Variants in SAMD4A observed in about 807,000 individuals in gnomAD.
SAMD4A encodes the protein sterile alpha motif domain containing 4A.
A neutral mutation model predicts 81.3 loss-of-function variants in SAMD4A; 33 were observed. The ratio of observed to expected loss-of-function variants is 0.41; its 90% CI spans 0.31 to 0.54. The LOEUF (loss-of-function observed/expected upper bound fraction) is 0.54. Ranked by LOEUF, SAMD4A falls within the 20% of genes least tolerant of loss-of-function variation. The pLI, the probability that SAMD4A is intolerant of heterozygous loss-of-function variation, is 0.37. For synonymous variants in SAMD4A, 389 were observed against 382.1 expected (o/e 1.02, Z -0.21); for missense variants, 854 against 951.1 (o/e 0.90, Z 1.34).
At chr14:54,722,860 A>G (rs2037297096) in intron 3 of SAMD4A, among the ~76,000 whole-genome samples, 1 of 152,226 alleles carries the variant, frequency 6.6e-6, no homozygotes, top group South Asian at 2.1e-4. Flanking sequence ...ATGTAGCACC[A>G]TCATTTAAAT....
intron 4 of SAMD4A, among the ~76,000 whole-genome samples, chr14:54,748,435 C>T (rs1009543706): frequency 9.8e-5 from 15 of 152,334 alleles, no homozygotes; most frequent in African/African-American, 3.4e-4. Context: ...GCAGTTGTTC[C>T]CTGCCATCTT....
At chr14:54,761,320 G>A (rs1362384579) in intron 7 of SAMD4A, among the ~76,000 whole-genome samples, 1 of 152,156 alleles carries the variant, frequency 6.6e-6, no homozygotes, top group Non-Finnish European at 1.5e-5. Flanking sequence ...CATGCACGTG[G>A]TTACCACTGT....
chr14:54,587,503 C>T (rs2033655155), intron 2 of SAMD4A, among the ~76,000 whole-genome samples: 1 of 152,106 alleles, frequency 6.6e-6, no homozygotes, highest in South Asian at 2.1e-4. Context: ...TCGTCATGTT[C>T]CAGTTCTCAA....
chr14:54,593,621 G>A (rs911213731), intron 2 of SAMD4A, among the ~76,000 whole-genome samples: 1 of 152,122 alleles, frequency 6.6e-6, no homozygotes, highest in Non-Finnish European at 1.5e-5. Context: ...TTTTACAAAT[G>A]CTTAGTTTCG....
chr14:54,761,025 A>G (rs2038384054), intron 7 of SAMD4A, among the ~76,000 whole-genome samples: 1 of 152,158 alleles, frequency 6.6e-6, no homozygotes, highest in Non-Finnish European at 1.5e-5. Flanking sequence ...GGTTTGGAGA[A>G]TTCCCAGCAT....
intron 6 of SAMD4A, among the ~76,000 whole-genome samples, chr14:54,754,446 A>C (rs2038186802): frequency 6.6e-6 from 1 of 152,102 alleles, no homozygotes; most frequent in African/African-American, 2.4e-5. Flanking sequence ...AGAATACCCC[A>C]ATGTTTGGAC....
intron 2 of SAMD4A, among the ~76,000 whole-genome samples, chr14:54,601,553 A>G (rs2034052755): frequency 6.6e-6 from 1 of 152,224 alleles, no homozygotes; most frequent in Non-Finnish European, 1.5e-5. Flanking sequence ...GCGACATTTT[A>G]AAGCCTAAAG....
chr14:54,692,653 A>T (rs916815542), intron 2 of SAMD4A, among the ~76,000 whole-genome samples: 5 of 152,020 alleles, frequency 3.3e-5, no homozygotes, highest in Non-Finnish European at 7.4e-5. Context: ...GGTGGTCTGG[A>T]GTGTGAGGGC....
chr14:54,591,702 T>C (rs1447949104), intron 2 of SAMD4A, among the ~76,000 whole-genome samples: 2 of 152,198 alleles, frequency 1.3e-5, no homozygotes, highest in Non-Finnish European at 2.9e-5. Flanking sequence ...TTTCTACAGC[T>C]CCTGTGCCTG....
chr14:54,568,010 C>T lies in SAMD4A; in HGVS notation c.94C>T (p.Arg32Cys). The change falls in exon 2 of 13, where the codon CGC becomes TGC. Residue 32 changes from arginine to cysteine, a missense_variant. Coordinates refer to ENST00000554335, the MANE Select transcript of SAMD4A (RefSeq NM_015589.6). ...TGTTGCGCTGCTGTCGCTGCTCAAG[C>T]GCGTGAGCCAGACCCAGGCCCGCTT... is the stretch of plus-strand genomic sequence containing the variant. The part of the protein sequence containing the change: ...QTVALLSLLK[R>C]VSQTQARFLQ... 1 of 1,608,000 alleles carries T rather than the reference C, an allele frequency of 6.2e-7. No homozygotes were observed. The highest frequency in any genetic ancestry group is 8.5e-7 in the Non-Finnish European group (1 of 1,179,524).
At chr14:54,689,094 G>T (rs909572696) in intron 2 of SAMD4A, among the ~76,000 whole-genome samples, 10 of 151,980 alleles carry the variant, frequency 6.6e-5, no homozygotes, top group Admixed American at 3.9e-4. Context: ...ACCATGCCTG[G>T]CTAATTTTTG....
intron 2 of SAMD4A, among the ~76,000 whole-genome samples, chr14:54,664,532 A>G (rs1446053133): frequency 7.9e-5 from 12 of 152,034 alleles, no homozygotes; most frequent in Admixed American, 6.6e-4. Context: ...ACTGGGCAGA[A>G]CCATCTTTAC....
intron 4 of SAMD4A, among the ~76,000 whole-genome samples, chr14:54,745,151 C>G (rs559626833): frequency 6.6e-6 from 1 of 152,210 alleles, no homozygotes; most frequent in Non-Finnish European, 1.5e-5. Context: ...GCCAGGCCAG[C>G]CTTTACATTG....
chr14:54,699,690 T>C (rs2036663585), intron 2 of SAMD4A, among the ~76,000 whole-genome samples: 1 of 152,244 alleles, frequency 6.6e-6, no homozygotes, highest in Non-Finnish European at 1.5e-5. Flanking sequence ...TTATTCTGTC[T>C]CTTCTTTAAT....
intron 3 of SAMD4A, among the ~76,000 whole-genome samples, chr14:54,728,970 C>T (rs1454972128): frequency 2.0e-5 from 3 of 152,180 alleles, no homozygotes; most frequent in African/African-American, 7.2e-5. Flanking sequence ...GAAGACCTGG[C>T]CTGCGGTTCA....
chr14:54,769,705 G>T (rs1222509903), intron 8 of SAMD4A, among the ~76,000 whole-genome samples: 1 of 152,146 alleles, frequency 6.6e-6, no homozygotes, highest in African/African-American at 2.4e-5. Context: ...TTTTTGGAGT[G>T]GTTGAGAATT....
intron 10 of SAMD4A, 57 bp from the exon 11 acceptor site, chr14:54,776,357 T>C (rs2038847384): frequency 8.5e-6 from 13 of 1,530,218 alleles, no homozygotes; most frequent in Non-Finnish European, 1.1e-5. Context: ...CTGGCGGCTC[T>C]GCTCTCCACC....
rs1380604133 is a variant in SAMD4A, at chr14:54,764,436, C to G, written c.1511-19C>G. 1 of 1,552,638 alleles carries G rather than the reference C, an allele frequency of 6.4e-7. No homozygotes were observed. Reference sequence around the variant, plus strand: ...AAAGGGGTGCATTTTTCTAATTCATCTTTTCTTTTTAATTACAGTGTGCAC... The same window carrying G: ...AAAGGGGTGCATTTTTCTAATTCATGTTTTCTTTTTAATTACAGTGTGCAC... On this transcript the variant is annotated intron_variant, in intron 7 of 12. Transcript: ENST00000554335.
chr14:54,774,965 A>T lies in SAMD4A; in HGVS notation c.1747A>T (p.Thr583Ser). 1.2e-6 allele frequency: 2 copies of T among 1,613,998 alleles called. No individual in the cohort carries two copies. The highest frequency in any genetic ancestry group is 1.6e-4 in the Middle Eastern group (1 of 6,062). Residue 583 changes from threonine to serine, a missense_variant, in exon 10 of 13, where the codon ACG (threonine) becomes TCG (serine). Physicochemically the swap from Thr to Ser is moderately conservative, Grantham distance 58 (BLOSUM62 1). Transcript: ENST00000554335. Reference sequence around the variant, plus strand: ...CTTTGGGCAATCCAACTCCCTCCCGACGGCTGGCTCTGTGGGCGGTGGCAT... The same window carrying T: ...CTTTGGGCAATCCAACTCCCTCCCGTCGGCTGGCTCTGTGGGCGGTGGCAT... Reference protein sequence around the residue: ...RGFGQSNSLPTAGSVGGGMGR... With the variant: ...RGFGQSNSLPSAGSVGGGMGR...
Sources: allele counts gnomAD v4.1 joint callset (sites outside exome capture counted in the v4.1 genomes callset), GRCh38; gene constraint gnomAD v4.1.1; transcripts MANE v1.5; gene names NCBI Gene and HGNC (gene_info 2026-07-23, HGNC 2026-07-21).